The following ZFR variants were observed in gnomAD, a reference collection of about 807,000 sequenced individuals.
ZFR encodes the protein zinc finger RNA-binding protein.
Under a neutral mutation model 130.7 loss-of-function variants are expected in ZFR, and 19 were observed. That is an observed-to-expected ratio of 0.15 (90% CI 0.10 to 0.21). ZFR has a LOEUF of 0.21. Among genes scored for constraint, ZFR ranks in the 10% least tolerant of loss-of-function variants. The probability of loss-of-function intolerance (pLI) is 1.00; values close to 1 mark genes in which losing one functional copy is unlikely to be tolerated. For missense variants in ZFR, 872 were observed against 1,321.5 expected, an observed-to-expected ratio of 0.66 and a Z score of 5.27; for synonymous variants, 466 against 456.9, an observed-to-expected ratio of 1.02 and a Z score of -0.25.
At chr5:32,409,613 C>G (rs1183318732) in intron 5 of ZFR, among the ~76,000 whole-genome samples, 7 of 152,200 alleles carry the variant, frequency 4.6e-5, no homozygotes, top group Middle Eastern at 3.4e-3. Context: ...ACCATGGTGG[C>G]CAGGGTGGTC....
Position 32,406,453 on chromosome 5 carries a change from A to T in ZFR, c.1032+321T>A, listed in dbSNP as rs751566439. ...AGTAAGTTACAGATGCTAAAAACACAACGAAATAAAAATTCAATCTTACCC... is the reference window on the plus strand; with the variant it reads ...AGTAAGTTACAGATGCTAAAAACACTACGAAATAAAAATTCAATCTTACCC... On this transcript the variant is annotated intron_variant, in intron 6 of 19. Transcript: ENST00000265069. Among the ~76,000 whole-genome samples, 4 of 152,240 alleles carry T rather than the reference A, an allele frequency of 2.6e-5. No individual in the cohort carries two copies. The East Asian group carries it at 5.8e-4, about 22-fold the overall frequency.
At chr5:32,374,703 GCAAA>G (rs57357440) in intron 17 of ZFR, among the ~76,000 whole-genome samples, 11 of 150,380 alleles carry the variant, frequency 7.3e-5, no homozygotes, top group South Asian at 2.1e-4. Flanking sequence ...AGAATTAAAA[GCAAA>G]CAAACAAACA....
At chr5:32,378,024 T>C (rs1752863005) in intron 17 of ZFR, among the ~76,000 whole-genome samples, 1 of 152,196 alleles carries the variant, frequency 6.6e-6, no homozygotes, top group Non-Finnish European at 1.5e-5. Flanking sequence ...TTGTTAACTA[T>C]TAAGAAGTGT....
intron 10 of ZFR, among the ~76,000 whole-genome samples, chr5:32,396,535 TCAGGCCAAC>T: frequency 1.3e-5 from 2 of 152,216 alleles, no homozygotes; most frequent in South Asian, 4.1e-4. Flanking sequence ...GGTCAGGAGT[TCAGGCCAAC>T]CTGGCCAACA....
chr5:32,385,754 A>G (rs1040801122), intron 14 of ZFR, 105 bp from the exon 15 acceptor site: 20 of 1,298,410 alleles, frequency 1.5e-5, no homozygotes, highest in Admixed American at 2.0e-5. Context: ...ACCATTCTAT[A>G]TGAGGACCAG....
At chr5:32,444,576 C>G (rs1287277924) in intron 1 of ZFR, 46 bp downstream of exon 1, 3 of 1,453,734 alleles carry the variant, frequency 2.1e-6, no homozygotes, top group Non-Finnish European at 2.7e-6. Context: ...TGCCCGGGGC[C>G]AGGGAGGGGG....
intron 8 of ZFR, among the ~76,000 whole-genome samples, chr5:32,402,509 T>C (rs1275604784): frequency 2.0e-5 from 3 of 151,416 alleles, no homozygotes; most frequent in Admixed American, 2.0e-4. Context: ...TGCATGCTTA[T>C]AACCCAAGCA....
At chr5:32,410,904 A>G (rs1581703635) in intron 5 of ZFR, among the ~76,000 whole-genome samples, 1 of 152,234 alleles carries the variant, frequency 6.6e-6, no homozygotes, top group African/African-American at 2.4e-5. Context: ...CAGATACTTT[A>G]TAACTGTTCC....
At chr5:32,357,989 G>C (rs1752348183) in intron 19 of ZFR, among the ~76,000 whole-genome samples, 1 of 152,104 alleles carries the variant, frequency 6.6e-6, no homozygotes, top group Non-Finnish European at 1.5e-5. Flanking sequence ...AATTTCTGTT[G>C]GTTTATAGGA....
intron 5 of ZFR, among the ~76,000 whole-genome samples, chr5:32,412,109 G>A (rs976635308): frequency 6.6e-6 from 1 of 152,190 alleles, no homozygotes; most frequent in African/African-American, 2.4e-5. Context: ...ACCACAGGGT[G>A]AAAGACAGTT....
In ZFR at chr5:32,422,798, CAAAAAAAAAAAA is replaced by C. The variant is rs10693151; in HGVS notation, c.138-2707_138-2696del. 2.5e-4 allele frequency among the ~76,000 whole-genome samples: 6 copies of C among 24,006 alleles called. 1 individual carries two copies. The highest frequency in any genetic ancestry group is 9.1e-4 in the Admixed American group (1 of 1,098). The allele number at this position is 24,006 out of a possible 152,430, so 15.7% of individuals were successfully genotyped here. A position where few individuals can be genotyped will look rare whatever the true frequency, so the allele number is the denominator to read the frequency against. ...CTGGATGACAGAGTAAAACCTGTCT[CAAAAAAAAAAAA>C]AAAAAAAAAAAAGGAAGCCAAGAAA... On this transcript the variant is annotated intron_variant, in intron 2 of 19. Transcript: ENST00000265069.
intron 2 of ZFR, among the ~76,000 whole-genome samples, chr5:32,438,415 C>T (rs1283250322): frequency 6.6e-6 from 1 of 151,914 alleles, no homozygotes; most frequent in Admixed American, 6.6e-5. Context: ...AGGCATGCAC[C>T]ACCACGCCTG....
At chr5:32,413,763 C>T (rs193113869) in intron 5 of ZFR, among the ~76,000 whole-genome samples, 1 of 152,258 alleles carries the variant, frequency 6.6e-6, no homozygotes, top group East Asian at 1.9e-4. Flanking sequence ...ACAGTAAAGT[C>T]CTATCTATCT....
chr5:32,393,413 G>C lies in ZFR; in HGVS notation c.1979+1746C>G, dbSNP rs367855107. ...GGCTGGAGTATAATGGCGCGATCTC[G>C]CCTCACCGCAACCTCCTCTTCCCGG... On this transcript the variant is annotated intron_variant, in intron 11 of 19. Transcript: ENST00000265069. Among the ~76,000 whole-genome samples the C allele has an allele frequency of 7.3e-5, 11 of 150,374 alleles. No individual in the cohort carries two copies. The East Asian group carries it at 1.4e-3, about 19-fold the overall frequency.
At chr5:32,390,190 A>G in intron 12 of ZFR, 85 bp downstream of exon 12, 1 of 1,481,094 alleles carries the variant, frequency 6.8e-7, no homozygotes, top group South Asian at 1.3e-5. Context: ...TATTAAGTCT[A>G]AACATTAGCC....
intron 11 of ZFR, chr5:32,394,338 G>A (rs1753248157): frequency 5.9e-6 from 1 of 169,224 alleles, no homozygotes; most frequent in Non-Finnish European, 1.5e-5. Context: ...AACACGCTAA[G>A]TGAACGATGC....
intron 17 of ZFR, among the ~76,000 whole-genome samples, chr5:32,367,671 C>CCCAAAGTGATGAGATTACAGG (rs1057043733): frequency 6.6e-6 from 1 of 151,956 alleles, no homozygotes; most frequent in Non-Finnish European, 1.5e-5. Flanking sequence ...ATCTTCGTGT[C>CCCAAAGTGATGAGATTACAGG]CCAAAGTGAT....
rs186704032 is a variant in ZFR, at chr5:32,423,271, T to C, written c.138-3168A>G. ...TCACTTGAGCCCAGGAGGCAGAGGT[T>C]GCAGTGAGCTGAGATCATACCACTG... On this transcript the variant is annotated intron_variant, in intron 2 of 19. Transcript: ENST00000265069. Among the ~76,000 whole-genome samples, 547 of 152,170 alleles carry C rather than the reference T, an allele frequency of 3.6e-3. 2 individuals are homozygous for C. The highest frequency in any genetic ancestry group is 6.4e-3 in the Non-Finnish European group (438 of 68,000).
At chr5:32,438,277 T>TTTTTTTTTTTTTTGTG (rs1754387193) in intron 2 of ZFR, among the ~76,000 whole-genome samples, 1 of 129,302 alleles carries the variant, frequency 7.7e-6, no homozygotes, top group Admixed American at 8.5e-5. Context: ...TTTTTTTTTT[T>TTTTTTTTTTTTTTGTG]TTTGAGACGG....
Sources: gnomAD v4.1 joint callset for allele counts (sites outside exome capture counted in the v4.1 genomes callset) on GRCh38, gnomAD v4.1.1 for gene constraint, MANE v1.5 for transcripts, NCBI Gene and HGNC (gene_info 2026-07-23, HGNC 2026-07-21) for gene names.